The following GDA variants were observed in gnomAD, a reference collection of about 807,000 sequenced individuals.
GDA encodes guanine deaminase.
GDA carries 18 observed loss-of-function variants against 59.6 expected under a neutral mutation model. That is an observed-to-expected ratio of 0.30 (90% CI 0.21 to 0.45). The LOEUF (loss-of-function observed/expected upper bound fraction) is 0.45. Among genes scored for constraint, GDA ranks in the 20% least tolerant of loss-of-function variants. GDA has a pLI of 1.00. For synonymous variants in GDA, 201 were observed against 201.1 expected (o/e 1.00, Z 0.00); for missense variants, 427 against 552.3 (o/e 0.77, Z 2.27).
Position 72,251,595 on chromosome 9 carries a change from T to A in GDA, c.*3253T>A, listed in dbSNP as rs1361319894. On this transcript the variant is annotated 3_prime_UTR_variant, in exon 14 of 14. Transcript: ENST00000358399. ...ACTAAGAAGTGTTATAGGCAATGAC[T>A]TGAAATGGTTTTTAAATTGTATGGA... 2 of 152,178 alleles carry A rather than the reference T, an allele frequency of 1.3e-5. No homozygotes were observed. Among genetic ancestry groups the A allele is most frequent in the African/African-American group, 4.8e-5 (2 of 41,446 alleles). 9.4% of individuals were successfully genotyped at this position (152,178 alleles called of 1,614,324 possible). A position where few individuals can be genotyped will look rare whatever the true frequency, so the allele number is the denominator to read the frequency against.
chr9:72,121,465 C>T (rs1825658027), intron 1 of GDA, among the ~76,000 whole-genome samples: 1 of 152,116 alleles, frequency 6.6e-6, no homozygotes, highest in Non-Finnish European at 1.5e-5. Context: ...GGCGTGGTGG[C>T]AGGCGCCTGT....
intron 3 of GDA, 99 bp downstream of exon 3, chr9:72,202,841 C>G (rs758772378): frequency 7.8e-6 from 7 of 900,802 alleles, no homozygotes; most frequent in Non-Finnish European, 1.2e-5. Context: ...AGCAGTTAAG[C>G]CTAAGATGGG....
At chr9:72,163,726 T>C (rs1469105006) in intron 1 of GDA, among the ~76,000 whole-genome samples, 1 of 152,172 alleles carries the variant, frequency 6.6e-6, no homozygotes, top group Non-Finnish European at 1.5e-5. Context: ...TCTCCTGACC[T>C]TGTGATCCAC....
intron 6 of GDA, among the ~76,000 whole-genome samples, chr9:72,221,930 T>G (rs1368079581): frequency 6.6e-6 from 1 of 152,252 alleles, no homozygotes; most frequent in Non-Finnish European, 1.5e-5. Flanking sequence ...ATGGTGTATA[T>G]GTACCACATT....
At chr9:72,196,813 A>G (rs888565753) in intron 2 of GDA, among the ~76,000 whole-genome samples, 1 of 147,110 alleles carries the variant, frequency 6.8e-6, no homozygotes, top group Non-Finnish European at 1.5e-5. Flanking sequence ...TTATTGTTCA[A>G]CTCCCACTTA....
chr9:72,252,356 G>T (rs532064333), downstream of GDA: 1 of 152,300 alleles, frequency 6.6e-6, no homozygotes, highest in African/African-American at 2.4e-5. Flanking sequence ...ACTCAGCTGT[G>T]AGCCAACATG....
At chr9:72,227,468 A>G (rs556590641) in intron 8 of GDA, among the ~76,000 whole-genome samples, 2 of 150,332 alleles carry the variant, frequency 1.3e-5, no homozygotes, top group East Asian at 3.9e-4. Flanking sequence ...AGCGCTTTGC[A>G]GGATTACTCT....
rs34271428 is a variant in GDA at position 72,172,227 on chromosome 9, A to AAT, written c.123+22561_123+22562dup. Among the ~76,000 whole-genome samples, 387 of 148,300 alleles carry AAT rather than the reference A, an allele frequency of 2.6e-3. 2 individuals are homozygous for AAT. Among genetic ancestry groups the AAT allele is most frequent in the Middle Eastern group, 0.018 (5 of 280 alleles). ...GGGTTGTGTACAAAACATACAATCT[A>AAT]ATATATATATATATATAATAGTATA... On this transcript the variant is annotated intron_variant, in intron 1 of 13. Transcript: ENST00000358399.
In GDA at chr9:72,248,315, G is replaced by A. The variant is rs1840360172; in HGVS notation, c.1338G>A (p.Gln446=). ...AAGAGGTTTATGTGGGCGGAAAGCA[G>A]GTGGTTCCGTTTTCCAGCTCAGTGT... is the stretch of plus-strand genomic sequence containing the variant. ...NIEEVYVGGK[Q]VVPFSSSV The change falls in exon 14 of 14, where the codon CAG becomes CAA. Residue 446 remains glutamine, a synonymous_variant. Transcript: ENST00000358399. 2 of 1,613,832 alleles carry A rather than the reference G, an allele frequency of 1.2e-6. No individual in the cohort carries two copies. Among genetic ancestry groups the A allele is most frequent in the East Asian group, 2.2e-5 (1 of 44,882 alleles).
chr9:72,245,273 T>C lies in GDA; in HGVS notation c.1261T>C (p.Ser421Pro). ...LFYGDFFGDI[S>P]EAVIQKFLYL... ...TTATGGGGACTTTTTTGGTGATATT[T>C]CTGAGGTAAGTAAAAGAAAGTTAAT... is the stretch of plus-strand genomic sequence containing the variant. Residue 421 changes from serine to proline, a missense_variant, in exon 12 of 14, where the codon TCT becomes CCT. By Grantham distance (74) the Ser-to-Pro change is moderately conservative. Transcript: ENST00000358399. 1 of 1,608,940 alleles carries C rather than the reference T, an allele frequency of 6.2e-7. No homozygotes were observed. The highest frequency in any genetic ancestry group is 8.5e-7 in the Non-Finnish European group (1 of 1,175,344).
chr9:72,241,816 C>T (rs1839641792), intron 11 of GDA, among the ~76,000 whole-genome samples: 1 of 152,086 alleles, frequency 6.6e-6, no homozygotes, highest in Non-Finnish European at 1.5e-5. Context: ...TCATCTGAAC[C>T]CGGGGAGGTA....
At chr9:72,128,736 T>C (rs1457554773) in intron 1 of GDA, among the ~76,000 whole-genome samples, 1 of 152,226 alleles carries the variant, frequency 6.6e-6, no homozygotes, top group Non-Finnish European at 1.5e-5. Context: ...AGCATCTTTA[T>C]ATAAGCAGGG....
intron 10 of GDA, among the ~76,000 whole-genome samples, chr9:72,239,071 T>G (rs893323417): frequency 6.6e-6 from 1 of 152,152 alleles, no homozygotes; most frequent in Non-Finnish European, 1.5e-5. Context: ...GGATTCCACC[T>G]ACATTAAATG....
At chr9:72,160,988 T>C (rs1470852239) in intron 1 of GDA, among the ~76,000 whole-genome samples, 1 of 152,030 alleles carries the variant, frequency 6.6e-6, no homozygotes, top group Non-Finnish European at 1.5e-5. Flanking sequence ...CTCACTGCAA[T>C]CTCCGCTTCC....
chr9:72,206,861 G>T (rs999914367), intron 3 of GDA, among the ~76,000 whole-genome samples: 2 of 151,668 alleles, frequency 1.3e-5, no homozygotes, highest in African/African-American at 4.8e-5. Flanking sequence ...ATTTTTGTTG[G>T]AATATATCCT....
In GDA at chr9:72,241,205, A is replaced by T. The variant is rs935260826; in HGVS notation, c.1042A>T (p.Met348Leu). ...GCTTGATGCAATCAGAAGAGCAGTG[A>T]TGGTTTCCAATATCCTTTTAATTAA... ...SMLDAIRRAV[M>L]VSNILLINKV... Residue 348 changes from methionine (M) to leucine (L), a missense_variant, in exon 11 of 14, where the codon ATG becomes TTG. Physicochemically the swap from Met to Leu is conservative, Grantham distance 15. Transcript: ENST00000358399. The T allele has an allele frequency of 1.2e-6, 2 of 1,610,528 alleles. No individual in the cohort carries two copies. The highest frequency in any genetic ancestry group is 2.7e-5 in the African/African-American group (2 of 74,996).
intron 1 of GDA, among the ~76,000 whole-genome samples, chr9:72,156,581 G>A (rs1191381057): frequency 6.6e-6 from 1 of 152,136 alleles, no homozygotes; most frequent in Non-Finnish European, 1.5e-5. Context: ...TTTCTAGAAG[G>A]CTGATTGCTT....
At chr9:72,191,973 T>C (rs1832608710) in intron 1 of GDA, among the ~76,000 whole-genome samples, 1 of 152,166 alleles carries the variant, frequency 6.6e-6, no homozygotes, top group African/African-American at 2.4e-5. Flanking sequence ...TGAGGTACTC[T>C]TCTTTCGATT....
chr9:72,193,790 G>A (rs1587576974), intron 1 of GDA: 2 of 152,396 alleles, frequency 1.3e-5, no homozygotes, highest in Non-Finnish European at 2.9e-5. Flanking sequence ...AGCGATTAGA[G>A]TCGAAAGACT....
Sources: gnomAD v4.1 joint callset for allele counts (sites outside exome capture counted in the v4.1 genomes callset) on GRCh38, gnomAD v4.1.1 for gene constraint, MANE v1.5 for transcripts, NCBI Gene and HGNC (gene_info 2026-07-23, HGNC 2026-07-21) for gene names.